Variants in RNF150 observed in about 807,000 individuals in gnomAD.
RNF150 encodes the protein ring finger protein 150.
A neutral mutation model predicts 39.3 loss-of-function variants in RNF150; 24 were observed. That is an observed-to-expected ratio of 0.61 (90% CI 0.44 to 0.86). The LOEUF is 0.86. RNF150 is among the 40% of genes least tolerant of loss of function. The probability of loss-of-function intolerance (pLI) is 0.00; values close to 1 mark genes in which losing one functional copy is unlikely to be tolerated. For missense variants in RNF150, 502 were observed against 587.8 expected, an observed-to-expected ratio of 0.85 and a Z score of 1.51; for synonymous variants, 255 against 227.3, an observed-to-expected ratio of 1.12 and a Z score of -1.10.
At chr4:141,052,781 A>G (rs1184908958) in intron 1 of RNF150, among the ~76,000 whole-genome samples, 2 of 152,192 alleles carry the variant, frequency 1.3e-5, no homozygotes, top group East Asian at 3.8e-4. Context: ...AACAGATTCT[A>G]CTCAGCTCTA....
intron 6 of RNF150, among the ~76,000 whole-genome samples, chr4:140,894,405 A>C (rs1043524395): frequency 2.7e-4 from 41 of 152,322 alleles, no homozygotes; most frequent in African/African-American, 9.6e-4. Flanking sequence ...CCTTTCCACA[A>C]CAGAAAGTCA....
intron 1 of RNF150, among the ~76,000 whole-genome samples, chr4:140,990,541 G>T (rs1286130990): frequency 2.0e-5 from 3 of 152,088 alleles, no homozygotes; most frequent in Admixed American, 2.0e-4. Context: ...CCCTCCCTGT[G>T]TCTTCTCATT....
intron 1 of RNF150, among the ~76,000 whole-genome samples, chr4:141,165,704 T>C (rs1374852160): frequency 6.6e-6 from 1 of 152,110 alleles, no homozygotes; most frequent in Non-Finnish European, 1.5e-5. Flanking sequence ...GACTACTGGG[T>C]AAATAACAGA....
At chr4:140,936,089 A>C (rs1319858119) in intron 4 of RNF150, among the ~76,000 whole-genome samples, 1 of 152,208 alleles carries the variant, frequency 6.6e-6, no homozygotes, top group Non-Finnish European at 1.5e-5. Context: ...TTTCAGATTC[A>C]TCTGTGCCTT....
chr4:141,102,676 G>A (rs1027434513), intron 1 of RNF150, among the ~76,000 whole-genome samples: 5 of 152,100 alleles, frequency 3.3e-5, no homozygotes, highest in African/African-American at 4.8e-5. Flanking sequence ...ACCATGGCTC[G>A]GAGGCCTGCT....
chr4:141,184,266 G>A (rs1386311515), intron 1 of RNF150, among the ~76,000 whole-genome samples: 3 of 152,182 alleles, frequency 2.0e-5, no homozygotes, highest in Non-Finnish European at 4.4e-5. Context: ...CAGTAATGAT[G>A]AGCCTTTTTC....
At position 141,132,643 on chromosome 4, in the gene RNF150, C is replaced by CG. The variant is rs748319594; in HGVS notation, c.165dup (p.Gly56ArgfsTer76). ...CCGCCGCCGCCCGCCGCCCCGGCCC[C>CG]GGGGTCCGGCGCGGGCTCGGCGTAG... On this transcript the variant is annotated frameshift_variant, in exon 1 of 7. Transcript: ENST00000515673. LOFTEE classifies it high-confidence loss of function. The surrounding 1 kb of genome is among the most constrained non-coding windows in gnomAD (Gnocchi z 4.9). The CG allele has an allele frequency of 1.3e-6, 2 of 1,598,590 alleles. No individual in the cohort carries two copies. Among genetic ancestry groups the CG allele is most frequent in the Non-Finnish European group, 8.5e-7 (1 of 1,174,158 alleles).
In RNF150 at chr4:141,159,592, G is replaced by A. The variant is rs779821951; in HGVS notation, c.-6+53202C>T. Among the ~76,000 whole-genome samples, 89 of 152,122 alleles carry A rather than the reference G, an allele frequency of 5.9e-4. No homozygotes were observed. In the Middle Eastern group the frequency reaches 0.024, roughly 41 times the overall value. On this transcript the variant is annotated intron_variant, in intron 1 of 7. Coordinates refer to the RNF150 transcript ENST00000420921. ...GGGCCTTGCTGTGTCACCCTGGCTG[G>A]AGTGCAGTGGCGCAATCATGGCTAA...
At chr4:141,146,246 C>G (rs1483047872) in intron 1 of RNF150, among the ~76,000 whole-genome samples, 1 of 152,126 alleles carries the variant, frequency 6.6e-6, no homozygotes, top group African/African-American at 2.4e-5. Context: ...AATAATAGAG[C>G]CTTTGACCCT....
At chr4:141,073,483 A>T (rs1162533836) in intron 1 of RNF150, among the ~76,000 whole-genome samples, 4 of 151,886 alleles carry the variant, frequency 2.6e-5, no homozygotes, top group African/African-American at 9.7e-5. Flanking sequence ...CTTCCATTTC[A>T]TGGGGGATGC....
intron 5 of RNF150, among the ~76,000 whole-genome samples, chr4:140,923,996 A>T (rs1404190127): frequency 1.3e-5 from 2 of 152,158 alleles, no homozygotes; most frequent in African/African-American, 4.8e-5. Context: ...GGGGAGGGAT[A>T]GCATTAGGAG....
intron 6 of RNF150, among the ~76,000 whole-genome samples, chr4:140,903,189 C>G (rs1316303270): frequency 6.6e-6 from 1 of 152,206 alleles, no homozygotes; most frequent in Non-Finnish European, 1.5e-5. Context: ...CAAACCAGGA[C>G]TAAGACCCCA....
intron 1 of RNF150, among the ~76,000 whole-genome samples, chr4:141,096,216 AG>A (rs1738774847): frequency 3.6e-5 from 1 of 27,496 alleles, no homozygotes; most frequent in Admixed American, 3.8e-4. Flanking sequence ...TTTTTTTTTT[AG>A]ATGGAGTCTC....
chr4:141,142,218 T>C (rs1394228004), intron 1 of RNF150, among the ~76,000 whole-genome samples: 2 of 152,206 alleles, frequency 1.3e-5, no homozygotes, highest in East Asian at 3.9e-4. Context: ...TCCCACCACC[T>C]GATCCTAAAA....
At chr4:140,990,940 A>G (rs992659111) in intron 1 of RNF150, among the ~76,000 whole-genome samples, 2 of 152,190 alleles carry the variant, frequency 1.3e-5, no homozygotes, top group Non-Finnish European at 2.9e-5. Context: ...GAAGTAATCT[A>G]CATTCCCAGC....
At position 140,967,778 on chromosome 4, in the gene RNF150, T is replaced by C; in HGVS notation, c.580A>G (p.Thr194Ala). 1 of 1,613,494 alleles carries C rather than the reference T, an allele frequency of 6.2e-7. No homozygotes were observed. Among genetic ancestry groups the C allele is most frequent in the Non-Finnish European group, 8.5e-7 (1 of 1,179,642 alleles). The stretch of plus-strand genomic sequence containing the variant: ...TTCTGCAAGTTCCGGGTTCCGATGG[T>C]GATGTACATTGTCACGGTGATGTTT... ...ERNITVTMYI[T>A]IGTRNLQKYV... Residue 194 changes from threonine to alanine, a missense_variant, in exon 2 of 7, where the codon ACC becomes GCC. Coordinates refer to ENST00000515673, the MANE Select transcript of RNF150 (RefSeq NM_020724.2).
At chr4:141,023,440 A>G (rs1735571738) in intron 1 of RNF150, among the ~76,000 whole-genome samples, 1 of 151,374 alleles carries the variant, frequency 6.6e-6, no homozygotes, top group African/African-American at 2.4e-5. Flanking sequence ...TTAAGTAGTT[A>G]TGGGTTTCAC....
intron 1 of RNF150, among the ~76,000 whole-genome samples, chr4:141,056,274 A>G (rs1441034116): frequency 1.3e-5 from 2 of 152,160 alleles, no homozygotes; most frequent in African/African-American, 2.4e-5. Flanking sequence ...GGTGGCTTAC[A>G]TCTGTAACCC....
intron 6 of RNF150, among the ~76,000 whole-genome samples, chr4:140,890,800 T>C (rs1047788812): frequency 2.4e-4 from 36 of 152,248 alleles, no homozygotes; most frequent in Admixed American, 2.2e-3. Flanking sequence ...ATGTATCTTT[T>C]AGCAAGTTCT....
Sources: gnomAD v4.1 joint callset for allele counts (sites outside exome capture counted in the v4.1 genomes callset) on GRCh38, gnomAD v4.1.1 for gene constraint, Gnocchi (gnomAD v3.1) non-coding constraint, MANE v1.5 for transcripts, NCBI Gene and HGNC (gene_info 2026-07-23, HGNC 2026-07-21) for gene names.